CYFIP2: variants seen among roughly 807,000 people sequenced by gnomAD.
CYFIP2 encodes cytoplasmic FMR1-interacting protein 2.
A neutral mutation model predicts 158.7 loss-of-function variants in CYFIP2; 29 were observed. That is an observed-to-expected ratio of 0.18 (90% confidence interval 0.14 to 0.25). CYFIP2 has a LOEUF of 0.25. Ranked by LOEUF, CYFIP2 falls within the 10% of genes least tolerant of loss-of-function variation. The probability of loss-of-function intolerance (pLI) is 1.00; values close to 1 mark genes in which losing one functional copy is unlikely to be tolerated. For synonymous variants in CYFIP2, 585 were observed against 617.6 expected (o/e 0.95, Z 0.78); for missense variants, 852 against 1,639.5 (o/e 0.52, Z 8.29).
At chr5:157,294,993 A>G in intron 4 of CYFIP2, 133 bp downstream of exon 4, 2 of 605,022 alleles carry the variant, frequency 3.3e-6, no homozygotes, top group Non-Finnish European at 5.7e-6. Context: ...TATCCAAGGA[A>G]GAACCTGGAA....
At chr5:157,378,487 C>T (rs1384988576) in intron 26 of CYFIP2, among the ~76,000 whole-genome samples, 1 of 152,148 alleles carries the variant, frequency 6.6e-6, no homozygotes, top group Non-Finnish European at 1.5e-5. Context: ...TTCTTGGTAA[C>T]TTTGCAATTT....
chr5:157,333,216 G>A lies in CYFIP2; in HGVS notation c.2266-111G>A, dbSNP rs1368240436. On this transcript the variant is annotated intron_variant, in intron 20 of 30. Transcript: ENST00000620254. The stretch of plus-strand genomic sequence containing the variant: ...TTTCTCCAGGAAACCCCTCCCACCT[G>A]GCAGTCTCACTCCCACCTTGGTCCC... 88 of 1,394,226 alleles carry A rather than the reference G, an allele frequency of 6.3e-5. No homozygotes were observed. The East Asian group carries it at 2.0e-3, about 32-fold the overall frequency. 86.4% of individuals were successfully genotyped at this position (1,394,226 alleles called of 1,614,324 possible).
intron 21 of CYFIP2, 138 bp from the exon 22 acceptor site, chr5:157,338,919 G>C: frequency 2.7e-6 from 2 of 733,870 alleles, no homozygotes; most frequent in Non-Finnish European, 4.4e-6. Flanking sequence ...CTACTGTAAG[G>C]GTCCTAGTTC....
chr5:157,387,784 C>T (rs1265092550), intron 28 of CYFIP2, among the ~76,000 whole-genome samples: 1 of 152,012 alleles, frequency 6.6e-6, no homozygotes, highest in African/African-American at 2.4e-5. Flanking sequence ...GATGAGTCAC[C>T]GGGAATCAGG....
chr5:157,393,278 A>T lies in CYFIP2; in HGVS notation c.*278A>T. 1 of 286,602 alleles carries T rather than the reference A, an allele frequency of 3.5e-6. No homozygotes were observed. Among genetic ancestry groups the T allele is most frequent in the Non-Finnish European group, 6.5e-6 (1 of 154,908 alleles). 17.8% of individuals were successfully genotyped at this position (286,602 alleles called of 1,614,324 possible). A position where few individuals can be genotyped will look rare whatever the true frequency, so the allele number is the denominator to read the frequency against. On this transcript the variant is annotated 3_prime_UTR_variant, in exon 31 of 31. Coordinates refer to ENST00000620254, the MANE Select transcript of CYFIP2 (RefSeq NM_001037333.3). ...TTCTCCCCCCTCAACTATATTAAGAACTCCTAGTTTCACCCTTTCTCCATC... is the reference window on the plus strand; with the variant it reads ...TTCTCCCCCCTCAACTATATTAAGATCTCCTAGTTTCACCCTTTCTCCATC...
chr5:157,302,280 G>T (rs181749720), intron 6 of CYFIP2, among the ~76,000 whole-genome samples: 1 of 152,118 alleles, frequency 6.6e-6, no homozygotes, highest in East Asian at 1.9e-4. Context: ...CCCTGTGCCC[G>T]TCATCCCATC....
intron 26 of CYFIP2, among the ~76,000 whole-genome samples, chr5:157,372,026 A>C (rs1765039813): frequency 6.6e-6 from 1 of 152,194 alleles, no homozygotes; most frequent in South Asian, 2.1e-4. Flanking sequence ...ACTTCTGCAG[A>C]AGCACAAGCT....
At chr5:157,323,152 A>G (rs1038332116) in intron 15 of CYFIP2, 13 of 854,886 alleles carry the variant, frequency 1.5e-5, no homozygotes, top group Non-Finnish European at 2.2e-5. Flanking sequence ...TAGATTAGCA[A>G]AGAGAACCAC....
At chr5:157,287,345 CT>C (rs1378211208) in intron 3 of CYFIP2, among the ~76,000 whole-genome samples, 1 of 152,238 alleles carries the variant, frequency 6.6e-6, no homozygotes, top group Non-Finnish European at 1.5e-5. Flanking sequence ...TAGGGCCCAA[CT>C]TAGTCTCCAC....
intron 26 of CYFIP2, among the ~76,000 whole-genome samples, chr5:157,380,937 G>A (rs1262013907): frequency 1.3e-5 from 2 of 152,172 alleles, no homozygotes; most frequent in East Asian, 1.9e-4. Flanking sequence ...GGAAAGGGCC[G>A]TGCGCAGTGG....
chr5:157,326,337 T>C, intron 18 of CYFIP2, 70 bp downstream of exon 18: 1 of 1,313,032 alleles, frequency 7.6e-7, no homozygotes, highest in Non-Finnish European at 1.1e-6. Flanking sequence ...AGTCTTTTGC[T>C]ATTAGCATGA....
chr5:157,309,418 G>A (rs780271946), intron 9 of CYFIP2, among the ~76,000 whole-genome samples: 18 of 152,366 alleles, frequency 1.2e-4, no homozygotes, highest in Admixed American at 2.6e-4. Flanking sequence ...GAAGATTCGA[G>A]TGGAAAGGAC....
chr5:157,380,049 G>A (rs1414686142), intron 26 of CYFIP2: 2 of 152,226 alleles, frequency 1.3e-5, no homozygotes, highest in Non-Finnish European at 2.9e-5. Context: ...GGGTCGAAGT[G>A]AGTTTCTCTT....
intron 5 of CYFIP2, 95 bp from the exon 6 acceptor site, chr5:157,300,620 G>C (rs878897448): frequency 8.6e-7 from 1 of 1,159,066 alleles, no homozygotes; most frequent in Non-Finnish European, 1.1e-6. Flanking sequence ...TGCCTTTCTC[G>C]AGAGGGCTGG....
chr5:157,330,943 G>T, intron 20 of CYFIP2, 93 bp downstream of exon 20: 1 of 948,896 alleles, frequency 1.1e-6, no homozygotes. Flanking sequence ...CCTGGGTATT[G>T]TCTGCCCGGC....
intron 23 of CYFIP2, among the ~76,000 whole-genome samples, chr5:157,344,275 C>A (rs1762516009): frequency 6.6e-6 from 1 of 152,156 alleles, no homozygotes. Flanking sequence ...TAACCACTCA[C>A]AGTAAGTGGT....
In CYFIP2 at chr5:157,342,949, G is replaced by A. The variant is rs747827790; in HGVS notation, c.2673+1792G>A. 47 of 1,614,174 alleles carry A rather than the reference G, an allele frequency of 2.9e-5. 1 individual carries two copies. The highest frequency in any genetic ancestry group is 7.7e-5 in the South Asian group (7 of 91,080). On this transcript the variant is annotated intron_variant, in intron 23 of 30. Transcript: ENST00000620254. ...CATCAGGGGCATCCTGGTTGGCTTC[G>A]GGATCCAGTTCAGCTCCATCTCTGG...
Position 157,384,550 on chromosome 5 carries a change from G to C in CYFIP2, c.3207+1191G>C, listed in dbSNP as rs28534661. On this transcript the variant is annotated intron_variant, in intron 28 of 30. Coordinates refer to ENST00000620254, the MANE Select transcript of CYFIP2 (RefSeq NM_001037333.3). The stretch of plus-strand genomic sequence containing the variant: ...AACATGGTAAGTATTTTTGGAGCAC[G>C]ATGCAAAGCCTCATCTGCACAGACG... 19 of 454,434 alleles carry C rather than the reference G, an allele frequency of 4.2e-5. No individual in the cohort carries two copies. The East Asian group carries it at 5.6e-4, about 13-fold the overall frequency. 28.2% of individuals were successfully genotyped at this position (454,434 alleles called of 1,614,324 possible).
At chr5:157,336,282 C>A (rs563646266) in intron 21 of CYFIP2, among the ~76,000 whole-genome samples, 1 of 152,294 alleles carries the variant, frequency 6.6e-6, no homozygotes, top group Admixed American at 6.5e-5. Context: ...CAGCAAGACC[C>A]GATGCTGAAG....
Sources: allele counts gnomAD v4.1 joint callset (sites outside exome capture counted in the v4.1 genomes callset), GRCh38; gene constraint gnomAD v4.1.1; transcripts MANE v1.5; gene names NCBI Gene and HGNC (gene_info 2026-07-23, HGNC 2026-07-21).